The following CRYL1 variants were observed in gnomAD, a reference collection of about 807,000 sequenced individuals.
CRYL1 encodes crystallin lambda 1, also known as lambda-crystallin homolog.
CRYL1 carries 29 observed loss-of-function variants against 36.6 expected under a neutral mutation model. That is an observed-to-expected ratio of 0.79 (90% CI 0.59 to 1.08). The LOEUF (loss-of-function observed/expected upper bound fraction) is 1.08. CRYL1 is among the 50% of genes least tolerant of loss of function. The probability of loss-of-function intolerance (pLI) is 0.00; values close to 1 mark genes in which losing one functional copy is unlikely to be tolerated. For synonymous variants in CRYL1, 152 were observed against 151.5 expected, an observed-to-expected ratio of 1.00 and a Z score of -0.02; for missense variants, 411 against 407.9, an observed-to-expected ratio of 1.01 and a Z score of -0.06.
chr13:20,505,783 AT>A (rs1289207724), intron 2 of CRYL1, among the ~76,000 whole-genome samples: 1 of 152,210 alleles, frequency 6.6e-6, no homozygotes, highest in Non-Finnish European at 1.5e-5. Flanking sequence ...AAGATACATC[AT>A]TTATACTTCT....
intron 2 of CRYL1, among the ~76,000 whole-genome samples, chr13:20,493,425 C>T (rs58851934): frequency 0.21 from 31,564 of 152,034 alleles, 3,466 homozygotes; most frequent in East Asian, 0.3. Flanking sequence ...TTTGGGAGGC[C>T]GAGGTGGGCA....
rs188595244 is a variant in CRYL1, at chr13:20,517,322, C to T, written c.42-4772G>A. Among the ~76,000 whole-genome samples, 6 of 152,146 alleles carry T rather than the reference C, an allele frequency of 3.9e-5. No individual in the cohort carries two copies. In the East Asian group the frequency reaches 5.8e-4, roughly 15 times the overall value. On this transcript the variant is annotated intron_variant, in intron 1 of 7. Transcript: ENST00000298248. ...TTTTGGATTTTGAAATCTTTATGGC[C>T]GGGTGCAGTGGCTCACACCTGTAAC...
Position 20,432,129 on chromosome 13 carries a change from G to A in CRYL1, c.606C>T (p.Ile202=). ...GFVLNRLQYA[I]ISEAWRLVEE... is the part of the protein sequence containing the mutation. ...CCACTAGCCGCCAGGCCTCGCTGAT[G>A]ATTGCATATTGCAGGCGGTTCAGAA... Residue 202 remains isoleucine, a synonymous_variant, in exon 5 of 8, where the codon ATC becomes ATT. Coordinates refer to ENST00000298248, the MANE Select transcript of CRYL1 (RefSeq NM_015974.3). The A allele has an allele frequency of 6.2e-7, 1 of 1,614,178 alleles. No homozygotes were observed. Among genetic ancestry groups the A allele is most frequent in the East Asian group, 2.2e-5 (1 of 44,886 alleles).
At chr13:20,422,007 T>C (rs2031829145) in intron 5 of CRYL1, among the ~76,000 whole-genome samples, 1 of 151,970 alleles carries the variant, frequency 6.6e-6, no homozygotes, top group Non-Finnish European at 1.5e-5. Context: ...ACCCACAAAA[T>C]AATAAATAAT....
intron 3 of CRYL1, among the ~76,000 whole-genome samples, chr13:20,461,302 A>G (rs2032812875): frequency 6.6e-6 from 1 of 152,214 alleles, no homozygotes; most frequent in Non-Finnish European, 1.5e-5. Flanking sequence ...CAGAGGTTCA[A>G]TGTTTACAAA....
chr13:20,507,288 G>A (rs1046944176), intron 2 of CRYL1, among the ~76,000 whole-genome samples: 7 of 152,156 alleles, frequency 4.6e-5, no homozygotes, highest in African/African-American at 1.2e-4. Flanking sequence ...AACAAAGTTC[G>A]ATGTTAATCC....
intron 5 of CRYL1, chr13:20,430,667 C>G (rs1490537792): frequency 1.0e-6 from 1 of 985,374 alleles, no homozygotes; most frequent in Non-Finnish European, 1.2e-6. Context: ...AATCCCAAAC[C>G]CTTCCTTGAG....
chr13:20,486,267 G>A (rs967188471), intron 3 of CRYL1, among the ~76,000 whole-genome samples: 19 of 152,068 alleles, frequency 1.2e-4, no homozygotes, highest in African/African-American at 3.6e-4. Context: ...GCTTCTCTTC[G>A]TGTACTCCTC....
At chr13:20,436,910 G>GTGC (rs1226793164) in intron 4 of CRYL1, among the ~76,000 whole-genome samples, 1 of 87,124 alleles carries the variant, frequency 1.1e-5, no homozygotes, top group Non-Finnish European at 2.7e-5. Flanking sequence ...TGGCCTGGGG[G>GTGC]TGCTTCTCGG....
At chr13:20,455,166 G>A (rs2032656046) in intron 3 of CRYL1, among the ~76,000 whole-genome samples, 1 of 152,244 alleles carries the variant, frequency 6.6e-6, no homozygotes, top group East Asian at 1.9e-4. Flanking sequence ...CAAAAAAAAT[G>A]TTAAATACCA....
At chr13:20,466,817 C>T (rs2032945380) in intron 3 of CRYL1, among the ~76,000 whole-genome samples, 1 of 152,094 alleles carries the variant, frequency 6.6e-6, no homozygotes, top group Admixed American at 6.5e-5. Context: ...TGCATAACTG[C>T]ACTCTTTATA....
intron 3 of CRYL1, among the ~76,000 whole-genome samples, chr13:20,441,752 C>A (rs558575109): frequency 6.6e-6 from 1 of 152,264 alleles, no homozygotes; most frequent in Admixed American, 6.5e-5. Context: ...ATATTGAAAT[C>A]AGCTGTGTAA....
At chr13:20,489,138 C>T (rs1190288167) in intron 3 of CRYL1, among the ~76,000 whole-genome samples, 1 of 152,186 alleles carries the variant, frequency 6.6e-6, no homozygotes, top group Non-Finnish European at 1.5e-5. Context: ...AGTGGCCTCA[C>T]GGATAAGGCA....
intron 2 of CRYL1, among the ~76,000 whole-genome samples, chr13:20,494,319 T>A (rs534100309): frequency 5.9e-5 from 9 of 152,372 alleles, no homozygotes; most frequent in African/African-American, 1.9e-4. Flanking sequence ...TATTTCCTTT[T>A]CATAATTTAT....
At chr13:20,417,625 G>A (rs556109963) in intron 5 of CRYL1, among the ~76,000 whole-genome samples, 2 of 152,326 alleles carry the variant, frequency 1.3e-5, no homozygotes, top group African/African-American at 4.8e-5. Flanking sequence ...TGGGCAAAGA[G>A]ATCCCAGACA....
At chr13:20,430,752 G>T in intron 5 of CRYL1, 1 of 985,376 alleles carries the variant, frequency 1.0e-6, no homozygotes, top group African/African-American at 1.7e-5. Flanking sequence ...ATAAAAAGCT[G>T]AGATTGCCTG....
At chr13:20,508,277 TA>T in intron 2 of CRYL1, among the ~76,000 whole-genome samples, 1 of 152,236 alleles carries the variant, frequency 6.6e-6, no homozygotes, top group East Asian at 1.9e-4. Flanking sequence ...AAAGCCAGGA[TA>T]GCCCTCAAGG....
At chr13:20,470,383 T>G (rs1258940442) in intron 3 of CRYL1, among the ~76,000 whole-genome samples, 1 of 152,218 alleles carries the variant, frequency 6.6e-6, no homozygotes. Flanking sequence ...CTGCCAGCAC[T>G]GGGAAACCAC....
intron 1 of CRYL1, among the ~76,000 whole-genome samples, chr13:20,514,766 AC>A (rs1260700658): frequency 1.3e-5 from 2 of 152,196 alleles, no homozygotes; most frequent in Admixed American, 1.3e-4. Flanking sequence ...TGGTGAGATG[AC>A]ATATGAAAAC....
Sources: gnomAD v4.1 joint callset for allele counts (sites outside exome capture counted in the v4.1 genomes callset) on GRCh38, gnomAD v4.1.1 for gene constraint, MANE v1.5 for transcripts, NCBI Gene and HGNC (gene_info 2026-07-23, HGNC 2026-07-21) for gene names.